NELL1: variants seen among roughly 807,000 people sequenced by gnomAD.
NELL1 encodes protein kinase C-binding protein NELL1.
Under a neutral mutation model 107.4 loss-of-function variants are expected in NELL1, and 76 were observed. That is an observed-to-expected ratio of 0.71 (90% CI 0.59 to 0.86). The LOEUF is 0.86. Among genes scored for constraint, NELL1 ranks in the 40% least tolerant of loss-of-function variants. The pLI, the probability that NELL1 is intolerant of heterozygous loss-of-function variation, is 0.00. For synonymous variants in NELL1, 353 were observed against 341.2 expected, an observed-to-expected ratio of 1.03 and a Z score of -0.38; for missense variants, 1,024 against 1,005.5, an observed-to-expected ratio of 1.02 and a Z score of -0.25.
intron 16 of NELL1, among the ~76,000 whole-genome samples, chr11:21,545,805 T>C (rs935261825): frequency 2.0e-5 from 3 of 151,966 alleles, no homozygotes; most frequent in South Asian, 2.1e-4. Flanking sequence ...GCAGTAATTT[T>C]AGAAGTATGA....
intron 15 of NELL1, among the ~76,000 whole-genome samples, chr11:21,499,852 A>G (rs1215943180): frequency 6.6e-6 from 1 of 152,102 alleles, no homozygotes; most frequent in Non-Finnish European, 1.5e-5. Flanking sequence ...GCTGTCTAAC[A>G]CCAGTCTTAT....
chr11:21,353,700 C>T (rs2133724604), intron 14 of NELL1, among the ~76,000 whole-genome samples: 1 of 152,148 alleles, frequency 6.6e-6, no homozygotes, highest in South Asian at 2.1e-4. Flanking sequence ...TTGAAGGCAG[C>T]CAAAGAAAGG....
chr11:20,790,075 C>T (rs991970823), intron 3 of NELL1, among the ~76,000 whole-genome samples: 2 of 152,142 alleles, frequency 1.3e-5, no homozygotes, highest in African/African-American at 4.8e-5. Flanking sequence ...GGATAGGCCT[C>T]GAAAAGGCAC....
chr11:20,721,502 T>C (rs1051709354), intron 2 of NELL1, among the ~76,000 whole-genome samples: 9 of 151,940 alleles, frequency 5.9e-5, no homozygotes, highest in Admixed American at 3.9e-4. Flanking sequence ...TGTGGGAAAA[T>C]AAGAAAGGTG....
At chr11:21,283,311 CAAAAATTAAAAATAAATATTTTTTA>C (rs1432375430) in intron 14 of NELL1, among the ~76,000 whole-genome samples, 2 of 151,648 alleles carry the variant, frequency 1.3e-5, no homozygotes, top group South Asian at 2.1e-4. Context: ...ATTGTACCCA[CAAAAATTAAAAATAAATATTTTTTA>C]AAAAATTAAA....
chr11:21,193,121 G>A (rs1023563591), intron 13 of NELL1, among the ~76,000 whole-genome samples: 9 of 151,872 alleles, frequency 5.9e-5, no homozygotes, highest in African/African-American at 9.7e-5. Context: ...GGTGAGGGGG[G>A]AAATCTGGTT....
intron 14 of NELL1, among the ~76,000 whole-genome samples, chr11:21,300,211 A>T (rs1482939311): frequency 1.3e-5 from 2 of 152,038 alleles, no homozygotes; most frequent in African/African-American, 4.8e-5. Context: ...TCTCTGAATG[A>T]TGCCAGGGAG....
chr11:21,527,794 C>A (rs964198364), intron 15 of NELL1, among the ~76,000 whole-genome samples: 2 of 152,156 alleles, frequency 1.3e-5, no homozygotes, highest in Non-Finnish European at 2.9e-5. Context: ...TATTTGAGGG[C>A]AGGAAGCATC....
At chr11:20,703,730 C>T (rs940308820) in intron 2 of NELL1, among the ~76,000 whole-genome samples, 2 of 152,302 alleles carry the variant, frequency 1.3e-5, no homozygotes, top group Middle Eastern at 6.8e-3. Context: ...TTTCAGAGAA[C>T]ATCTTTATTT....
At chr11:20,986,302 A>G (rs1851851469) in intron 12 of NELL1, among the ~76,000 whole-genome samples, 1 of 152,174 alleles carries the variant, frequency 6.6e-6, no homozygotes, top group African/African-American at 2.4e-5. Context: ...GTTGTATTCC[A>G]GGTCCCGTTC....
intron 14 of NELL1, among the ~76,000 whole-genome samples, chr11:21,298,540 G>T (rs574271133): frequency 6.6e-6 from 1 of 152,048 alleles, no homozygotes; most frequent in Admixed American, 6.6e-5. Flanking sequence ...CAAGGAGCCT[G>T]CAGGAGTTTC....
chr11:20,906,589 T>C (rs1046222061), intron 5 of NELL1, among the ~76,000 whole-genome samples: 4 of 152,130 alleles, frequency 2.6e-5, no homozygotes, highest in Non-Finnish European at 5.9e-5. Context: ...AGAGGCAACA[T>C]TTCTCAACAA....
At chr11:20,757,211 G>A (rs1162897285) in intron 2 of NELL1, among the ~76,000 whole-genome samples, 2 of 144,602 alleles carry the variant, frequency 1.4e-5, no homozygotes, top group Non-Finnish European at 3.0e-5. Context: ...ATATATATAT[G>A]TACCATTCAG....
At chr11:21,285,679 A>T (rs572547315) in intron 14 of NELL1, among the ~76,000 whole-genome samples, 7 of 152,300 alleles carry the variant, frequency 4.6e-5, no homozygotes, top group Non-Finnish European at 1.0e-4. Flanking sequence ...CAGGCACTAG[A>T]CCCACAACAT....
rs75094945 is a variant in NELL1, at chr11:21,559,458, T to A, written c.1787-731T>A. ...GTCGCTCAAGCTTTAAATGTCAGAA[T>A]CGGCCGACTGGATTTATGTTTTTAT... On this transcript the variant is annotated intron_variant, in intron 16 of 19. Transcript: ENST00000357134. Among the ~76,000 whole-genome samples, 1,217 of 152,190 alleles carry A rather than the reference T, an allele frequency of 8.0e-3. 35 individuals are homozygous for A. The highest frequency in any genetic ancestry group is 0.079 in the East Asian group (404 of 5,138).
At chr11:21,085,795 C>T (rs776835447) in intron 12 of NELL1, among the ~76,000 whole-genome samples, 1 of 151,938 alleles carries the variant, frequency 6.6e-6, no homozygotes, top group East Asian at 1.9e-4. Flanking sequence ...TGGGACAGGT[C>T]GTAGAAGAAC....
rs1256123654 is a variant in NELL1, at chr11:21,197,252, A to G, written c.1427-32080A>G. On this transcript the variant is annotated intron_variant, in intron 13 of 19. Transcript: ENST00000357134. ...AAACAGTATGACAGATAACACATAAAAACATGAGTAAGTTCACAGTCATTA... is the reference window on the plus strand; with the variant it reads ...AAACAGTATGACAGATAACACATAAGAACATGAGTAAGTTCACAGTCATTA... 2.6e-5 allele frequency among the ~76,000 whole-genome samples: 4 copies of G among 151,982 alleles called. No homozygotes were observed. The East Asian group carries it at 7.7e-4, about 29-fold the overall frequency.
At chr11:21,199,330 A>AATCTGTGATATATTGGTTACTGTG in intron 13 of NELL1, among the ~76,000 whole-genome samples, 1 of 152,170 alleles carries the variant, frequency 6.6e-6, no homozygotes, top group Non-Finnish European at 1.5e-5. Context: ...GTCAACCAAG[A>AATCTGTGATATATTGGTTACTGTG]CAGAGTACCC....
intron 3 of NELL1, among the ~76,000 whole-genome samples, chr11:20,836,405 C>T (rs1047547801): frequency 3.3e-5 from 5 of 151,954 alleles, no homozygotes; most frequent in Non-Finnish European, 7.4e-5. Flanking sequence ...TCTTACAAAG[C>T]TAAACATAGT....
Sources: gnomAD v4.1 joint callset for allele counts (sites outside exome capture counted in the v4.1 genomes callset) on GRCh38, gnomAD v4.1.1 for gene constraint, MANE v1.5 for transcripts, NCBI Gene and HGNC (gene_info 2026-07-23, HGNC 2026-07-21) for gene names.